Variants in SSH2 observed in about 807,000 individuals in gnomAD.
SSH2 encodes the protein protein phosphatase Slingshot homolog 2.
In SSH2, 37 loss-of-function variants were observed where a neutral mutation model predicts 135.2. The ratio of observed to expected loss-of-function variants is 0.27; its 90% CI spans 0.21 to 0.36. SSH2 has a LOEUF of 0.36. Among genes scored for constraint, SSH2 ranks in the 10% least tolerant of loss-of-function variants. The pLI is 1.00. For missense variants in SSH2, 1,408 were observed against 1,765.3 expected (o/e 0.80, Z 3.63); for synonymous variants, 628 against 646.2 (o/e 0.97, Z 0.43).
At chr17:29,806,120 C>G (rs1305832785) in intron 2 of SSH2, among the ~76,000 whole-genome samples, 1 of 152,116 alleles carries the variant, frequency 6.6e-6, no homozygotes, top group Non-Finnish European at 1.5e-5. Flanking sequence ...AAATATGGGG[C>G]AGACAGCATG....
intron 3 of SSH2, among the ~76,000 whole-genome samples, chr17:29,708,020 TTATCA>T (rs2039276932): frequency 6.6e-6 from 1 of 152,106 alleles, no homozygotes; most frequent in Non-Finnish European, 1.5e-5. Context: ...CAAAAATCTC[TTATCA>T]TAACAGAAAA....
intron 3 of SSH2, among the ~76,000 whole-genome samples, chr17:29,726,883 A>G (rs2040019280): frequency 6.6e-6 from 1 of 152,140 alleles, no homozygotes; most frequent in African/African-American, 2.4e-5. Flanking sequence ...TTTTTCCACC[A>G]TCTCAATTTT....
At chr17:29,754,036 C>T (rs1039468759) in intron 3 of SSH2, among the ~76,000 whole-genome samples, 18 of 152,238 alleles carry the variant, frequency 1.2e-4, no homozygotes, top group African/African-American at 4.3e-4. Flanking sequence ...ACCATCAAGC[C>T]ATGTAGCCTT....
intron 1 of SSH2, chr17:29,925,159 A>AAC (rs1199223995): frequency 6.0e-6 from 1 of 167,512 alleles, no homozygotes; most frequent in Non-Finnish European, 1.3e-5. Flanking sequence ...TTAGATCACA[A>AAC]ACACACACAC....
intron 2 of SSH2, among the ~76,000 whole-genome samples, chr17:29,818,349 T>C (rs1195555458): frequency 6.6e-6 from 1 of 151,324 alleles, no homozygotes; most frequent in Non-Finnish European, 1.5e-5. Context: ...CCTGGGTTCA[T>C]GCCATTCTCC....
intron 2 of SSH2, among the ~76,000 whole-genome samples, chr17:29,822,944 G>T (rs1395695779): frequency 6.6e-6 from 1 of 152,020 alleles, no homozygotes; most frequent in Non-Finnish European, 1.5e-5. Flanking sequence ...AGTTTGGGAG[G>T]GATAGCAGTG....
chr17:29,806,413 G>T (rs888620417), intron 2 of SSH2, among the ~76,000 whole-genome samples: 1 of 152,190 alleles, frequency 6.6e-6, no homozygotes, highest in African/African-American at 2.4e-5. Flanking sequence ...TGCTCCTCTT[G>T]TGTTAAAGGA....
At chr17:29,752,149 A>G (rs34675417) in intron 3 of SSH2, among the ~76,000 whole-genome samples, 25,508 of 152,236 alleles carry the variant, frequency 0.17, 2,824 homozygotes, top group Non-Finnish European at 0.25. Context: ...ATTCAGTAAA[A>G]TTTCAATCAA....
intron 6 of SSH2, 55 bp downstream of exon 6, chr17:29,684,507 AC>A: frequency 6.7e-7 from 1 of 1,485,350 alleles, no homozygotes; most frequent in South Asian, 1.3e-5. Context: ...AAAAAAAGCA[AC>A]TGGAACAGGT....
chr17:29,910,466 A>G (rs550006311), intron 1 of SSH2, among the ~76,000 whole-genome samples: 3 of 152,244 alleles, frequency 2.0e-5, no homozygotes, highest in South Asian at 4.1e-4. Flanking sequence ...CAAGCAACTG[A>G]ATTCCCAAAA....
chr17:29,636,541 T>C lies in SSH2; in HGVS notation c.1689A>G (p.Glu563=), dbSNP rs748533158. The change falls in exon 15 of 16, where the codon GAA becomes GAG. Residue 563 remains glutamate (E), a synonymous_variant. Coordinates refer to ENST00000540801, the MANE Select transcript of SSH2 (RefSeq NM_001282129.2). ...CATCCTCAATCTGTCCAGCATGAAA[T>C]TCCCTAGAAGTAAACTCCAAGCAGA... ...RMICLEFTSR[E]FHAGQIEDEL... 9.4e-5 allele frequency: 151 copies of C among 1,614,056 alleles called. No individual in the cohort carries two copies. The highest frequency in any genetic ancestry group is 1.2e-4 in the Non-Finnish European group (145 of 1,180,040).
At chr17:29,861,568 T>C (rs2065764658) in intron 1 of SSH2, among the ~76,000 whole-genome samples, 1 of 119,400 alleles carries the variant, frequency 8.4e-6, no homozygotes, top group South Asian at 3.1e-4. Flanking sequence ...CATAATCTTC[T>C]TCTTTTTTTT....
In SSH2 at chr17:29,632,088, C is replaced by T. The variant is rs1226900880; in HGVS notation, c.3106G>A (p.Val1036Ile). 1.2e-6 allele frequency: 2 copies of T among 1,614,072 alleles called. No homozygotes were observed. Among genetic ancestry groups the T allele is most frequent in the East Asian group, 4.5e-5 (2 of 44,896 alleles). The change falls in exon 16 of 16, where the codon GTA (valine) becomes ATA (isoleucine). Residue 1036 changes from valine (V) to isoleucine (I), a missense_variant. Physicochemically the swap from Val to Ile is conservative, Grantham distance 29 (BLOSUM62 3). Transcript: ENST00000540801. ...ATGTGGGTATATTCAATGATTTCTA[C>T]CCTCTTGGGAAGGGGAAGAGGGACT... ...QAVPLPLPKR[V>I]EIIEYTHIVT...
intron 1 of SSH2, among the ~76,000 whole-genome samples, chr17:29,907,661 C>A (rs2066680447): frequency 6.6e-6 from 1 of 152,190 alleles, no homozygotes. Flanking sequence ...TGAAATCTTC[C>A]AAATAAAGAA....
intron 3 of SSH2, among the ~76,000 whole-genome samples, chr17:29,760,061 AC>A (rs2041241232): frequency 6.6e-6 from 1 of 152,196 alleles, no homozygotes; most frequent in Non-Finnish European, 1.5e-5. Flanking sequence ...GAATCAACAC[AC>A]GGGAGAAAAA....
chr17:29,672,397 G>C (rs1170179419), intron 8 of SSH2, among the ~76,000 whole-genome samples: 2 of 152,076 alleles, frequency 1.3e-5, no homozygotes, highest in Non-Finnish European at 2.9e-5. Context: ...GTGAAAAATA[G>C]GTCCAGGTAC....
Position 29,636,678 on chromosome 17 carries a change from T to C in SSH2, c.1552A>G (p.Ile518Val). ...KKDITTSADQ[I>V]AEVKTMESHP... ...CTCTCCATGGTCTTCACCTCAGCAA[T>C]CTGGTCTGCTGAGGTGGTGATATCC... is the stretch of plus-strand genomic sequence containing the variant. Residue 518 changes from isoleucine to valine, a missense_variant, in exon 15 of 16, where the codon ATT becomes GTT. Ile to Val is a conservative substitution (Grantham distance 29). This residue lies in a region of SSH2 where 1,080 missense variants were observed against 1,144.5 expected (regional missense o/e 0.94). Coordinates refer to ENST00000540801, the MANE Select transcript of SSH2 (RefSeq NM_001282129.2). 6.2e-7 allele frequency: 1 copy of C among 1,614,038 alleles called. No individual in the cohort carries two copies. Among genetic ancestry groups the C allele is most frequent in the South Asian group, 1.1e-5 (1 of 91,062 alleles).
At chr17:29,638,384 T>C (rs2036003990) in intron 14 of SSH2, among the ~76,000 whole-genome samples, 5 of 151,660 alleles carry the variant, frequency 3.3e-5, no homozygotes, top group Admixed American at 3.3e-4. Flanking sequence ...CAAACACATT[T>C]GAAATTAGTG....
At chr17:29,782,274 T>C (rs2041857306) in intron 3 of SSH2, among the ~76,000 whole-genome samples, 3 of 152,242 alleles carry the variant, frequency 2.0e-5, no homozygotes, top group Non-Finnish European at 4.4e-5. Context: ...TTATTTCTAG[T>C]ACAGTAATCA....
Sources: gnomAD v4.1 joint callset for allele counts (sites outside exome capture counted in the v4.1 genomes callset) on GRCh38, gnomAD v4.1.1 for gene constraint, gnomAD v4.1.1 regional missense constraint, MANE v1.5 for transcripts, NCBI Gene and HGNC (gene_info 2026-07-23, HGNC 2026-07-21) for gene names.